The following KIAA0319 variants were observed in gnomAD, a reference collection of about 807,000 sequenced individuals.
The protein encoded by KIAA0319 is KIAA0319, also known as dyslexia-associated protein KIAA0319.
Under a neutral mutation model 108.4 loss-of-function variants are expected in KIAA0319, and 83 were observed. That is an observed-to-expected ratio of 0.77 (90% CI 0.64 to 0.92). KIAA0319 has a LOEUF of 0.92. KIAA0319 is among the 40% of genes least tolerant of loss of function. KIAA0319 has a pLI of 0.00. For synonymous variants in KIAA0319, 484 were observed against 510.4 expected, an observed-to-expected ratio of 0.95 and a Z score of 0.70; for missense variants, 1,195 against 1,322.4, an observed-to-expected ratio of 0.90 and a Z score of 1.49.
chr6:24,600,526 G>A (rs528720513), intron 2 of KIAA0319: 48 of 740,374 alleles, frequency 6.5e-5, no homozygotes, highest in South Asian at 4.3e-4. Flanking sequence ...GTCTCGCTAA[G>A]GTTATCTTCA....
At chr6:24,633,312 T>C (rs572654971) in intron 1 of KIAA0319, among the ~76,000 whole-genome samples, 6 of 152,294 alleles carry the variant, frequency 3.9e-5, no homozygotes, top group Middle Eastern at 3.4e-3. Flanking sequence ...AGAGGACTTA[T>C]GGCATGACAG....
chr6:24,587,231 C>CATGG (rs2127497843), intron 4 of KIAA0319, among the ~76,000 whole-genome samples: 1 of 152,266 alleles, frequency 6.6e-6, no homozygotes, highest in African/African-American at 2.4e-5. Context: ...ATAGCCTTTT[C>CATGG]ATGGATCTTG....
chr6:24,634,376 A>C (rs1775945667), intron 1 of KIAA0319, among the ~76,000 whole-genome samples: 1 of 152,216 alleles, frequency 6.6e-6, no homozygotes, highest in Admixed American at 6.5e-5. Context: ...TATTCTATGT[A>C]CTAGAGAAAA....
intron 4 of KIAA0319, 150 bp downstream of exon 4, chr6:24,588,443 T>C: frequency 1.5e-6 from 1 of 676,680 alleles, no homozygotes. Flanking sequence ...TATTCATCTT[T>C]TTATTCCCAG....
chr6:24,617,397 A>G (rs1456541009), intron 1 of KIAA0319, among the ~76,000 whole-genome samples: 1 of 152,152 alleles, frequency 6.6e-6, no homozygotes, highest in African/African-American at 2.4e-5. Context: ...ATCTAGTAAA[A>G]CAGCAATGCG....
chr6:24,547,797 G>A (rs1422708456), intron 20 of KIAA0319, among the ~76,000 whole-genome samples: 1 of 152,196 alleles, frequency 6.6e-6, no homozygotes, highest in African/African-American at 2.4e-5. Flanking sequence ...ATTTCAGGGG[G>A]TCAACCTAAG....
Position 24,588,842 on chromosome 6 carries a change from C to T in KIAA0319, c.802-57G>A. 3.6e-6 allele frequency: 5 copies of T among 1,392,232 alleles called. No homozygotes were observed. The East Asian group carries it at 6.9e-5, about 19-fold the overall frequency. 86.2% of individuals were successfully genotyped at this position (1,392,232 alleles called of 1,614,324 possible). A position where few individuals can be genotyped will look rare whatever the true frequency, so the allele number is the denominator to read the frequency against. ...TTAAAAAAAAAACAGTCCAACTCTT[C>T]AAGCAACTCAATGTTACCAACCTTT... On this transcript the variant is annotated intron_variant, in intron 3 of 20. Transcript: ENST00000378214.
At position 24,625,705 on chromosome 6, in the gene KIAA0319, G is replaced by T. The variant is rs184613132; in HGVS notation, c.-106+20031C>A. On this transcript the variant is annotated intron_variant, in intron 1 of 20. Transcript: ENST00000378214. ...AGGAGTCCACAAAAATATGACTAGAGTTCAGCAAGGATGATATGAAAACAA... is the reference window on the plus strand; with the variant it reads ...AGGAGTCCACAAAAATATGACTAGATTTCAGCAAGGATGATATGAAAACAA... Among the ~76,000 whole-genome samples the T allele has an allele frequency of 3.3e-5, 5 of 152,296 alleles. No individual in the cohort carries two copies. The East Asian group carries it at 9.6e-4, about 29-fold the overall frequency.
intron 4 of KIAA0319, among the ~76,000 whole-genome samples, chr6:24,584,082 T>C (rs755031784): frequency 6.6e-6 from 1 of 152,194 alleles, no homozygotes; most frequent in African/African-American, 2.4e-5. Context: ...TATAAAAAGA[T>C]TGAGTGTAAT....
At chr6:24,601,900 C>T (rs989332131) in intron 1 of KIAA0319, among the ~76,000 whole-genome samples, 2 of 152,152 alleles carry the variant, frequency 1.3e-5, no homozygotes, top group African/African-American at 4.8e-5. Flanking sequence ...GTTTCCCGGG[C>T]TGTGGATTGT....
In KIAA0319 at chr6:24,544,943, C is replaced by T. The variant is rs766569749; in HGVS notation, c.*2222G>A. ...ATCAGAGAGGCCAGGCTGAGATGGC[C>T]AAGGACAGAAAAGGAGGAGGGGCAG... On this transcript the variant is annotated 3_prime_UTR_variant, in exon 21 of 21. Transcript: ENST00000378214. The T allele has an allele frequency of 6.6e-6, 1 of 152,220 alleles. No individual in the cohort carries two copies. Among genetic ancestry groups the T allele is most frequent in the Non-Finnish European group, 1.5e-5 (1 of 68,110 alleles). The allele number at this position is 152,220 out of a possible 1,614,324, so 9.4% of individuals were successfully genotyped here.
chr6:24,618,406 T>G (rs1773458287), intron 1 of KIAA0319, among the ~76,000 whole-genome samples: 1 of 151,964 alleles, frequency 6.6e-6, no homozygotes, highest in Non-Finnish European at 1.5e-5. Context: ...CCCAGGAGTT[T>G]GAGACCAGCC....
At chr6:24,587,903 T>C (rs1202198282) in intron 4 of KIAA0319, among the ~76,000 whole-genome samples, 1 of 152,204 alleles carries the variant, frequency 6.6e-6, no homozygotes, top group East Asian at 1.9e-4. Flanking sequence ...TATTTCTTAA[T>C]ACAAATCTGA....
chr6:24,565,511 T>C (rs529483851), intron 14 of KIAA0319, among the ~76,000 whole-genome samples: 12 of 151,918 alleles, frequency 7.9e-5, no homozygotes, highest in African/African-American at 2.4e-4. Context: ...TCCCAGTACT[T>C]TGGGAGGCCG....
chr6:24,635,838 G>A (rs1776134753), intron 1 of KIAA0319, among the ~76,000 whole-genome samples: 1 of 136,622 alleles, frequency 7.3e-6, no homozygotes, highest in Non-Finnish European at 1.7e-5. Flanking sequence ...GCTAATAAAT[G>A]GGTGTTTTAA....
intron 1 of KIAA0319, among the ~76,000 whole-genome samples, chr6:24,625,579 C>A (rs1197471663): frequency 2.6e-5 from 4 of 151,944 alleles, no homozygotes; most frequent in Non-Finnish European, 4.4e-5. Context: ...TCTAGCCAGG[C>A]CAATTAGGAG....
chr6:24,567,741 T>C (rs943087762), intron 13 of KIAA0319, among the ~76,000 whole-genome samples: 3 of 152,152 alleles, frequency 2.0e-5, no homozygotes, highest in African/African-American at 7.2e-5. Flanking sequence ...AAAAGCCATT[T>C]CTGATGTAAT....
intron 4 of KIAA0319, among the ~76,000 whole-genome samples, chr6:24,586,718 T>C (rs1767555575): frequency 6.6e-6 from 1 of 152,176 alleles, no homozygotes; most frequent in South Asian, 2.1e-4. Flanking sequence ...AAGATGTACA[T>C]GTTATAAACT....
chr6:24,632,893 T>C (rs1429436754), intron 1 of KIAA0319, among the ~76,000 whole-genome samples: 2 of 152,042 alleles, frequency 1.3e-5, no homozygotes, highest in Non-Finnish European at 2.9e-5. Context: ...TATTAGGAGA[T>C]CAAGTAGAAT....
Sources: allele counts gnomAD v4.1 joint callset (sites outside exome capture counted in the v4.1 genomes callset), GRCh38; gene constraint gnomAD v4.1.1; transcripts MANE v1.5; gene names NCBI Gene and HGNC (gene_info 2026-07-23, HGNC 2026-07-21).